Variants in GOLGA1 observed in about 807,000 individuals in gnomAD.
The protein encoded by GOLGA1 is golgin A1.
GOLGA1 carries 63 observed loss-of-function variants against 119.7 expected under a neutral mutation model. That is an observed-to-expected ratio of 0.53 (90% confidence interval 0.43 to 0.65). The LOEUF is 0.65. Among genes scored for constraint, GOLGA1 ranks in the 30% least tolerant of loss-of-function variants. The pLI, the probability that GOLGA1 is intolerant of heterozygous loss-of-function variation, is 0.00. For missense variants in GOLGA1, 798 were observed against 912.8 expected, an observed-to-expected ratio of 0.87 and a Z score of 1.62; for synonymous variants, 318 against 333.4, an observed-to-expected ratio of 0.95 and a Z score of 0.50.
chr9:124,939,272 G>A (rs1244672244), intron 2 of GOLGA1, among the ~76,000 whole-genome samples: 2 of 151,992 alleles, frequency 1.3e-5, no homozygotes, highest in East Asian at 3.8e-4. Context: ...CTTAACTACA[G>A]TTTAGTGTTC....
intron 10 of GOLGA1, among the ~76,000 whole-genome samples, chr9:124,918,728 C>T (rs1014006634): frequency 2.6e-5 from 4 of 151,888 alleles, no homozygotes; most frequent in African/African-American, 4.8e-5. Context: ...TGCACTCCAG[C>T]CTAGGTGACA....
In GOLGA1 at chr9:124,906,345, C is replaced by T. The variant is rs142695631; in HGVS notation, c.1065+2032G>A. Among the ~76,000 whole-genome samples, 359 of 151,814 alleles carry T rather than the reference C, an allele frequency of 2.4e-3. 6 individuals carry two copies. In the East Asian group the frequency reaches 0.057, roughly 24 times the overall value. ...ACTTGGGAGGCTGAGGCAGGAGAAT[C>T]GCTGGAACCCAGGAGGCAGAGGCTG... On this transcript the variant is annotated intron_variant, in intron 12 of 22. Coordinates refer to ENST00000373555, the MANE Select transcript of GOLGA1 (RefSeq NM_002077.4).
At chr9:124,884,789 T>A (rs562288959) in intron 19 of GOLGA1, among the ~76,000 whole-genome samples, 2 of 152,290 alleles carry the variant, frequency 1.3e-5, no homozygotes, top group East Asian at 3.9e-4. Flanking sequence ...TTATTTTGGT[T>A]TCCTGGATTT....
chr9:124,888,162 A>G lies in GOLGA1; in HGVS notation c.1905+91T>C. The G allele has an allele frequency of 7.7e-7, 1 of 1,296,210 alleles. No homozygotes were observed. Among genetic ancestry groups the G allele is most frequent in the Non-Finnish European group, 1.1e-6 (1 of 904,054 alleles). The allele number at this position is 1,296,210 out of a possible 1,614,324, so 80.3% of individuals were successfully genotyped here. On this transcript the variant is annotated intron_variant, in intron 19 of 22. Coordinates refer to ENST00000373555, the MANE Select transcript of GOLGA1 (RefSeq NM_002077.4). This position sits in a 1 kb window ranked among gnomAD's most constrained non-coding sequence, Gnocchi z 4.4. ...GTTGCCAGGAGGTGCGGGGGAAACCACAAAAACCTCCAAGGATGGACTGGG... is the reference window on the plus strand; with the variant it reads ...GTTGCCAGGAGGTGCGGGGGAAACCGCAAAAACCTCCAAGGATGGACTGGG...
rs1248599597 is a variant in GOLGA1 at position 124,881,758 on chromosome 9, CAA to C, written c.2136+24_2136+25del. 11 of 1,569,282 alleles carry C rather than the reference CAA, an allele frequency of 7.0e-6. No homozygotes were observed. The highest frequency in any genetic ancestry group is 2.7e-5 in the African/African-American group (2 of 73,654). On this transcript the variant is annotated intron_variant, in intron 21 of 22. Coordinates refer to ENST00000373555, the MANE Select transcript of GOLGA1 (RefSeq NM_002077.4). This position sits in a 1 kb window ranked among gnomAD's most constrained non-coding sequence, Gnocchi z 4.9. ...GACTGTAGGGCGGGGCCTCAATACC[CAA>C]AAGACACCTCAAAAGCCCTTTACCT...
intron 12 of GOLGA1, among the ~76,000 whole-genome samples, chr9:124,907,791 T>C (rs530314827): frequency 2.0e-5 from 3 of 152,268 alleles, no homozygotes; most frequent in African/African-American, 7.2e-5. Flanking sequence ...TTGTAAAGGC[T>C]TGGAAATGCC....
At chr9:124,936,914 T>A (rs1224250800) in intron 3 of GOLGA1, among the ~76,000 whole-genome samples, 1 of 152,224 alleles carries the variant, frequency 6.6e-6, no homozygotes, top group Non-Finnish European at 1.5e-5. Flanking sequence ...ATAAATTGTT[T>A]ATGAATACAT....
At chr9:124,929,183 A>G (rs1279272993) in intron 5 of GOLGA1, 33 bp downstream of exon 5, 22 of 1,308,630 alleles carry the variant, frequency 1.7e-5, no homozygotes, top group Non-Finnish European at 2.4e-5. Flanking sequence ...TAAACCTTGA[A>G]AAGATTGAAA....
intron 15 of GOLGA1, among the ~76,000 whole-genome samples, chr9:124,893,605 G>A (rs1356419499): frequency 6.6e-6 from 1 of 152,148 alleles, no homozygotes; most frequent in Non-Finnish European, 1.5e-5. Flanking sequence ...CAGATGGGGT[G>A]CTGGTTACTT....
intron 3 of GOLGA1, among the ~76,000 whole-genome samples, chr9:124,937,847 C>A (rs1044344952): frequency 1.3e-5 from 2 of 151,994 alleles, no homozygotes; most frequent in African/African-American, 4.8e-5. Flanking sequence ...CTTTGGGAGG[C>A]CAAGGTGGGC....
intron 15 of GOLGA1, 70 bp downstream of exon 15, chr9:124,898,479 G>A: frequency 1.2e-6 from 1 of 852,492 alleles, no homozygotes; most frequent in Non-Finnish European, 2.0e-6. Flanking sequence ...TATGAGAAGT[G>A]GGGCACTGTA....
chr9:124,915,439 A>G (rs1257841988), intron 10 of GOLGA1, among the ~76,000 whole-genome samples: 1 of 152,194 alleles, frequency 6.6e-6, no homozygotes, highest in Non-Finnish European at 1.5e-5. Flanking sequence ...AGTCTATACA[A>G]CTGGCCCTGC....
In GOLGA1 at chr9:124,878,512, G is replaced by A. The variant is rs1274069269; in HGVS notation, c.*2018C>T. 6 of 152,618 alleles carry A rather than the reference G, an allele frequency of 3.9e-5. No homozygotes were observed. Among genetic ancestry groups the A allele is most frequent in the Admixed American group, 2.0e-4 (3 of 15,288 alleles). The allele number at this position is 152,618 out of a possible 1,614,324, so 9.5% of individuals were successfully genotyped here. A position where few individuals can be genotyped will look rare whatever the true frequency, so the allele number is the denominator to read the frequency against. ...GCTCGTATAAAGGGCTATAGATACC[G>A]TCGCTAACACAGAAAGTTTTATACA... On this transcript the variant is annotated 3_prime_UTR_variant, in exon 23 of 23. Coordinates refer to ENST00000373555, the MANE Select transcript of GOLGA1 (RefSeq NM_002077.4).
intron 7 of GOLGA1, among the ~76,000 whole-genome samples, chr9:124,925,079 CAA>C (rs904132877): frequency 7.6e-6 from 1 of 132,386 alleles, no homozygotes; most frequent in Non-Finnish European, 1.6e-5. Context: ...GACTCCGTCT[CAA>C]AAAAAAAAAA....
chr9:124,914,919 G>C (rs1000352028), intron 10 of GOLGA1, among the ~76,000 whole-genome samples: 1 of 152,202 alleles, frequency 6.6e-6, no homozygotes, highest in Non-Finnish European at 1.5e-5. Flanking sequence ...AAGAATCAGT[G>C]GCCAAGTTCC....
intron 6 of GOLGA1, among the ~76,000 whole-genome samples, chr9:124,927,709 G>A (rs77974342): frequency 0.017 from 2,555 of 152,208 alleles, 73 homozygotes; most frequent in African/African-American, 0.059. Context: ...CCAGTGGTTG[G>A]TTCTGCTGAG....
chr9:124,896,024 C>A (rs970401905), intron 15 of GOLGA1, among the ~76,000 whole-genome samples: 1 of 152,244 alleles, frequency 6.6e-6, no homozygotes, highest in Non-Finnish European at 1.5e-5. Context: ...CGGCCTCAAA[C>A]GTCAATAGCG....
At chr9:124,921,486 A>T (rs1239683164) in intron 9 of GOLGA1, among the ~76,000 whole-genome samples, 1 of 152,218 alleles carries the variant, frequency 6.6e-6, no homozygotes, top group Non-Finnish European at 1.5e-5. Context: ...TTTACAAACT[A>T]AAACCACACT....
At position 124,878,288 on chromosome 9, in the gene GOLGA1, G is replaced by A. The variant is rs1829490080; in HGVS notation, c.*2242C>T. On this transcript the variant is annotated 3_prime_UTR_variant, in exon 23 of 23. Transcript: ENST00000373555. Reference sequence around the variant, plus strand: ...TAGCCCTTGAGGTTGGCCTTGGAGTGTTAAATATGAGACACAAAATACCAG... The same window carrying A: ...TAGCCCTTGAGGTTGGCCTTGGAGTATTAAATATGAGACACAAAATACCAG... The A allele has an allele frequency of 6.6e-6, 1 of 152,200 alleles. No homozygotes were observed. Among genetic ancestry groups the A allele is most frequent in the African/African-American group, 2.4e-5 (1 of 41,436 alleles). The allele number at this position is 152,200 out of a possible 1,614,324, so 9.4% of individuals were successfully genotyped here.
Sources: gnomAD v4.1 joint callset for allele counts (sites outside exome capture counted in the v4.1 genomes callset) on GRCh38, gnomAD v4.1.1 for gene constraint, Gnocchi (gnomAD v3.1) non-coding constraint, MANE v1.5 for transcripts, NCBI Gene and HGNC (gene_info 2026-07-23, HGNC 2026-07-21) for gene names.